The following ROR1 variants were observed in gnomAD, a reference collection of about 807,000 sequenced individuals.
ROR1 encodes the protein inactive tyrosine-protein kinase transmembrane receptor ROR1.
ROR1 carries 19 observed loss-of-function variants against 78.8 expected under a neutral mutation model. The observed-to-expected ratio is 0.24, with a 90% CI of 0.17 to 0.35. The LOEUF (loss-of-function observed/expected upper bound fraction) is 0.35, where lower values mean the gene tolerates loss of function less well. Ranked by LOEUF, ROR1 falls within the 10% of genes least tolerant of loss-of-function variation. The pLI, the probability that ROR1 is intolerant of heterozygous loss-of-function variation, is 1.00. For synonymous variants in ROR1, 386 were observed against 433.6 expected (o/e 0.89, Z 1.36); for missense variants, 917 against 1,177.8 (o/e 0.78, Z 3.24).
chr1:64,025,783 A>G (rs1035700807), intron 2 of ROR1, among the ~76,000 whole-genome samples: 6 of 152,174 alleles, frequency 3.9e-5, no homozygotes, highest in Admixed American at 3.9e-4. Context: ...TAAACCTTGT[A>G]TGTTCTCACT....
intron 5 of ROR1, among the ~76,000 whole-genome samples, chr1:64,139,048 T>C (rs1473995856): frequency 6.6e-6 from 1 of 151,408 alleles, no homozygotes; most frequent in Non-Finnish European, 1.5e-5. Context: ...ATGCCTGTAG[T>C]CCCAGCTATG....
chr1:63,975,677 T>A (rs1455766897), intron 1 of ROR1, among the ~76,000 whole-genome samples: 1 of 152,198 alleles, frequency 6.6e-6, no homozygotes, highest in Non-Finnish European at 1.5e-5. Context: ...CTGAGCGTTA[T>A]GTAATTTCTC....
chr1:63,973,416 A>G (rs1385727170), intron 1 of ROR1, among the ~76,000 whole-genome samples: 1 of 152,030 alleles, frequency 6.6e-6, no homozygotes, highest in Non-Finnish European at 1.5e-5. Context: ...CCCTCTCCAT[A>G]CCTCTACCCA....
chr1:63,833,176 C>T (rs779113606), intron 1 of ROR1, among the ~76,000 whole-genome samples: 15 of 152,206 alleles, frequency 9.9e-5, no homozygotes, highest in South Asian at 2.1e-4. Flanking sequence ...AGCAGACACT[C>T]AGTAACAGGT....
chr1:64,170,897 T>A (rs1407344047), intron 8 of ROR1, among the ~76,000 whole-genome samples: 1 of 152,140 alleles, frequency 6.6e-6, no homozygotes, highest in Non-Finnish European at 1.5e-5. Flanking sequence ...TCCCAACAAG[T>A]TCCTCATCTC....
intron 2 of ROR1, among the ~76,000 whole-genome samples, chr1:64,034,196 T>C (rs940883025): frequency 6.6e-5 from 10 of 152,038 alleles, no homozygotes; most frequent in African/African-American, 2.4e-4. Flanking sequence ...TTTTTTTTTT[T>C]TTATTATCCT....
At chr1:63,823,757 T>C (rs1377642535) in intron 1 of ROR1, among the ~76,000 whole-genome samples, 1 of 151,096 alleles carries the variant, frequency 6.6e-6, no homozygotes, top group Non-Finnish European at 1.5e-5. Context: ...CCAGTCAAAA[T>C]CTTAAACTTT....
At chr1:63,813,721 T>C (rs899929648) in intron 1 of ROR1, among the ~76,000 whole-genome samples, 4 of 152,222 alleles carry the variant, frequency 2.6e-5, no homozygotes, top group African/African-American at 9.7e-5. Context: ...AGGGCATTGA[T>C]TGAGACCCAC....
chr1:64,157,053 G>T (rs1443433037), intron 7 of ROR1, among the ~76,000 whole-genome samples: 2 of 152,188 alleles, frequency 1.3e-5, no homozygotes, highest in Admixed American at 6.5e-5. Context: ...CATAAAATGA[G>T]TTTATGAAAA....
rs371122676 is a variant in ROR1 at position 64,039,324 on chromosome 1, C to T, written c.164-10367C>T. ...ACTGGCACACAAAGGGATTCTGGTC[C>T]TGTTTAACCAAGATGTGACTTTAGA... On this transcript the variant is annotated intron_variant, in intron 2 of 8. Transcript: ENST00000371079. Among the ~76,000 whole-genome samples, 11 of 152,242 alleles carry T rather than the reference C, an allele frequency of 7.2e-5. 1 individual carries two copies. Among genetic ancestry groups the T allele is most frequent in the African/African-American group, 1.4e-4 (6 of 41,552 alleles).
chr1:63,849,120 C>T (rs1253551394), intron 1 of ROR1, among the ~76,000 whole-genome samples: 9 of 152,138 alleles, frequency 5.9e-5, no homozygotes, highest in Non-Finnish European at 1.2e-4. Context: ...AAAGTCTTTA[C>T]GGGTTTCTTT....
At chr1:63,918,112 C>T (rs72683074) in intron 1 of ROR1, among the ~76,000 whole-genome samples, 3,864 of 152,258 alleles carry the variant, frequency 0.025, 79 homozygotes, top group Non-Finnish European at 0.042. Flanking sequence ...TCGGGTGCCC[C>T]GGCACCTGCC....
chr1:63,801,329 C>T (rs868716863), intron 1 of ROR1, among the ~76,000 whole-genome samples: 2 of 152,204 alleles, frequency 1.3e-5, no homozygotes, highest in Middle Eastern at 3.4e-3. Context: ...GAGTCTCGCT[C>T]TGTCACCCAG....
chr1:63,889,936 A>G (rs1319282601), intron 1 of ROR1, among the ~76,000 whole-genome samples: 1 of 152,164 alleles, frequency 6.6e-6, no homozygotes, highest in Non-Finnish European at 1.5e-5. Context: ...AAGTCTAGTT[A>G]TGTTTAAGAT....
intron 1 of ROR1, among the ~76,000 whole-genome samples, chr1:63,811,936 C>T: frequency 6.8e-6 from 1 of 147,560 alleles, no homozygotes; most frequent in East Asian, 2.0e-4. Flanking sequence ...CTAAAGAAGG[C>T]TTTCGGGAAA....
intron 1 of ROR1, among the ~76,000 whole-genome samples, chr1:63,933,324 A>C (rs2100446916): frequency 6.6e-6 from 1 of 152,236 alleles, no homozygotes; most frequent in East Asian, 1.9e-4. Context: ...CTGGCCTCAG[A>C]TGGTTGTGAC....
chr1:64,111,306 A>G (rs546383915), intron 4 of ROR1: 2 of 152,326 alleles, frequency 1.3e-5, no homozygotes, highest in South Asian at 2.1e-4. Context: ...GAGATCTGCA[A>G]TAGCTCGACA....
At chr1:63,854,731 T>C (rs1645137927) in intron 1 of ROR1, among the ~76,000 whole-genome samples, 1 of 152,134 alleles carries the variant, frequency 6.6e-6, no homozygotes, top group Non-Finnish European at 1.5e-5. Flanking sequence ...AATGAATGAA[T>C]AAAGAAGAAA....
intron 1 of ROR1, chr1:63,843,710 G>T: frequency 2.1e-6 from 1 of 481,694 alleles, no homozygotes. Flanking sequence ...AAAAGGAGAG[G>T]GCATGGAGAG....
Sources: gnomAD v4.1 joint callset for allele counts (sites outside exome capture counted in the v4.1 genomes callset) on GRCh38, gnomAD v4.1.1 for gene constraint, MANE v1.5 for transcripts, NCBI Gene and HGNC (gene_info 2026-07-23, HGNC 2026-07-21) for gene names.